Variants in SLC49A4 observed in about 807,000 individuals in gnomAD.
SLC49A4 encodes solute carrier family 49 member 4.
A neutral mutation model predicts 50.6 loss-of-function variants in SLC49A4; 36 were observed. The observed-to-expected ratio is 0.71, with a 90% CI of 0.55 to 0.94. The LOEUF (loss-of-function observed/expected upper bound fraction) is 0.94. Ranked by LOEUF, SLC49A4 falls within the 40% of genes least tolerant of loss-of-function variation. The pLI is 0.00. For missense variants in SLC49A4, 503 were observed against 605.7 expected, an observed-to-expected ratio of 0.83 and a Z score of 1.78; for synonymous variants, 248 against 241.2, an observed-to-expected ratio of 1.03 and a Z score of -0.26.
chr3:122,796,182 G>A (rs1262883229), intron 1 of SLC49A4, among the ~76,000 whole-genome samples: 2 of 152,196 alleles, frequency 1.3e-5, no homozygotes, highest in Non-Finnish European at 2.9e-5. Context: ...TTTACCACTT[G>A]CCAGTGTGAT....
chr3:122,845,932 G>T (rs988172677), intron 5 of SLC49A4, 61 bp downstream of exon 5: 16 of 1,234,294 alleles, frequency 1.3e-5, no homozygotes, highest in Non-Finnish European at 1.7e-5. Flanking sequence ...TATAAATACT[G>T]GTTACGTGTT....
chr3:122,828,810 T>C (rs553432598), intron 3 of SLC49A4, among the ~76,000 whole-genome samples: 1 of 152,270 alleles, frequency 6.6e-6, no homozygotes, highest in Admixed American at 6.5e-5. Context: ...TGAACGCAGG[T>C]GAAACATAAG....
rs146219884 is a variant in SLC49A4 at position 122,801,844 on chromosome 3, G to A, written c.344-5013G>A. Among the ~76,000 whole-genome samples, 289 of 152,298 alleles carry A rather than the reference G, an allele frequency of 1.9e-3. 1 individual carries two copies. The highest frequency in any genetic ancestry group is 6.8e-3 in the Middle Eastern group (2 of 294). On this transcript the variant is annotated intron_variant, in intron 1 of 8. Transcript: ENST00000261038. ...CAAGACATCTTTAAGCAGTGAAGGC[G>A]AATGACCTGGAGGCAGGTGTGTGGT...
rs190197603 is a variant in SLC49A4, at chr3:122,827,060, A to G, written c.698A>G (p.Tyr233Cys). 3 of 1,599,060 alleles carry G rather than the reference A, an allele frequency of 1.9e-6. No homozygotes were observed. The highest frequency in any genetic ancestry group is 1.7e-6 in the Non-Finnish European group (2 of 1,168,134). Reference sequence around the variant, plus strand: ...AAAGATCGCATAGAGGCTGTGTTATATGCAGGTAATTTGAAGTTTATTTTC... The same window carrying G: ...AAAGATCGCATAGAGGCTGTGTTATGTGCAGGTAATTTGAAGTTTATTTTC... ...HIKDRIEAVL[Y>C]AEFGVVCLIF... Residue 233 changes from tyrosine to cysteine, a missense_variant, in exon 3 of 9, where the codon TAT becomes TGT. Transcript: ENST00000261038.
chr3:122,853,508 C>T (rs1462662894), intron 5 of SLC49A4, among the ~76,000 whole-genome samples: 2 of 152,156 alleles, frequency 1.3e-5, no homozygotes, highest in African/African-American at 4.8e-5. Context: ...CCTGTTATCC[C>T]AGCACTTTGG....
chr3:122,844,888 T>C (rs1464300709), intron 4 of SLC49A4, among the ~76,000 whole-genome samples: 5 of 145,016 alleles, frequency 3.4e-5, no homozygotes, highest in Admixed American at 2.1e-4. Context: ...TATATATATA[T>C]ACCTGTACAT....
intron 7 of SLC49A4, among the ~76,000 whole-genome samples, chr3:122,870,742 G>A (rs1487625845): frequency 6.6e-6 from 1 of 150,414 alleles, no homozygotes; most frequent in Non-Finnish European, 1.5e-5. Context: ...GAACCGGGGA[G>A]GTGGAAGTTG....
At chr3:122,832,049 T>C in intron 3 of SLC49A4, among the ~76,000 whole-genome samples, 1 of 152,142 alleles carries the variant, frequency 6.6e-6, no homozygotes. Context: ...TCTAACTGAA[T>C]TAAACAGAAT....
At chr3:122,828,981 A>G (rs1350795375) in intron 3 of SLC49A4, among the ~76,000 whole-genome samples, 2 of 152,198 alleles carry the variant, frequency 1.3e-5, no homozygotes, top group East Asian at 3.8e-4. Flanking sequence ...AAAGCTTCCC[A>G]GTTACTTCTT....
At chr3:122,855,799 AG>A (rs1936981671) in intron 5 of SLC49A4, among the ~76,000 whole-genome samples, 1 of 149,710 alleles carries the variant, frequency 6.7e-6, no homozygotes, top group African/African-American at 2.6e-5. Flanking sequence ...TCACACAGTT[AG>A]TAAATGACAG....
chr3:122,832,434 A>C (rs1936619937), intron 3 of SLC49A4, among the ~76,000 whole-genome samples: 1 of 152,164 alleles, frequency 6.6e-6, no homozygotes, highest in Non-Finnish European at 1.5e-5. Context: ...AATACTCTAC[A>C]TTAGCTAGTC....
intron 2 of SLC49A4, among the ~76,000 whole-genome samples, chr3:122,816,360 A>G (rs1249138307): frequency 6.6e-6 from 1 of 152,010 alleles, no homozygotes; most frequent in Non-Finnish European, 1.5e-5. Flanking sequence ...CTCTTGTGCC[A>G]TCCTACACTC....
chr3:122,844,140 T>G (rs1936816912), intron 4 of SLC49A4, among the ~76,000 whole-genome samples: 1 of 152,240 alleles, frequency 6.6e-6, no homozygotes, highest in Non-Finnish European at 1.5e-5. Context: ...TGTCAAGTAC[T>G]GCCAGATTGT....
At position 122,806,969 on chromosome 3, in the gene SLC49A4, A is replaced by G. The variant is rs1179737534; in HGVS notation, c.437+19A>G. 2 of 1,400,910 alleles carry G rather than the reference A, an allele frequency of 1.4e-6. No individual in the cohort carries two copies. The highest frequency in any genetic ancestry group is 2.3e-5 in the East Asian group (1 of 43,126). 86.8% of individuals were successfully genotyped at this position (1,400,910 alleles called of 1,614,324 possible). ...AAAGAAGGTAAATCCTGTAAATAAC[A>G]TTTCTCCCCCATTTTTCATTTTATT... is the stretch of plus-strand genomic sequence containing the variant. On this transcript the variant is annotated intron_variant, in intron 2 of 8. Coordinates refer to ENST00000261038, the MANE Select transcript of SLC49A4 (RefSeq NM_032839.3).
rs1393136673 is a variant in SLC49A4 at position 122,879,811 on chromosome 3, A to G, written c.*433A>G. On this transcript the variant is annotated 3_prime_UTR_variant, in exon 9 of 9. Transcript: ENST00000261038. ...GCCACTAACTTCTAAAGAAGTTCAAACCCTGTATCCAATTTTAATGATAAA... is the reference window on the plus strand; with the variant it reads ...GCCACTAACTTCTAAAGAAGTTCAAGCCCTGTATCCAATTTTAATGATAAA... 6.5e-6 allele frequency: 1 copy of G among 153,688 alleles called. No individual in the cohort carries two copies. The highest frequency in any genetic ancestry group is 1.9e-4 in the East Asian group (1 of 5,212). The allele number at this position is 153,688 out of a possible 1,614,324, so 9.5% of individuals were successfully genotyped here.
intron 4 of SLC49A4, among the ~76,000 whole-genome samples, chr3:122,841,904 T>C (rs576494736): frequency 6.6e-6 from 1 of 152,044 alleles, no homozygotes; most frequent in African/African-American, 2.4e-5. Flanking sequence ...AAATCACTTC[T>C]CTATAGCACG....
At chr3:122,869,694 A>G (rs1937169831) in intron 7 of SLC49A4, among the ~76,000 whole-genome samples, 2 of 152,230 alleles carry the variant, frequency 1.3e-5, no homozygotes, top group African/African-American at 2.4e-5. Flanking sequence ...TTTAACCACA[A>G]TAAAAATTTT....
At chr3:122,858,533 T>C (rs1049709510) in intron 6 of SLC49A4, among the ~76,000 whole-genome samples, 6 of 152,178 alleles carry the variant, frequency 3.9e-5, no homozygotes, top group Non-Finnish European at 7.3e-5. Flanking sequence ...CAAAAGTGCA[T>C]TCATTTTTCC....
intron 4 of SLC49A4, among the ~76,000 whole-genome samples, chr3:122,843,638 G>A (rs1169282876): frequency 6.6e-6 from 1 of 152,016 alleles, no homozygotes; most frequent in Non-Finnish European, 1.5e-5. Flanking sequence ...CCTTAACATG[G>A]CTCTTTGTTT....
Sources: gnomAD v4.1 joint callset for allele counts (sites outside exome capture counted in the v4.1 genomes callset) on GRCh38, gnomAD v4.1.1 for gene constraint, MANE v1.5 for transcripts, NCBI Gene and HGNC (gene_info 2026-07-23, HGNC 2026-07-21) for gene names.